SLC24A2: variants seen among roughly 807,000 people sequenced by gnomAD.
SLC24A2 encodes sodium/potassium/calcium exchanger 2.
In SLC24A2, 36 loss-of-function variants were observed where a neutral mutation model predicts 62.0. That is an observed-to-expected ratio of 0.58 (90% confidence interval 0.44 to 0.77). The LOEUF is 0.77. Ranked by LOEUF, SLC24A2 falls within the 30% of genes least tolerant of loss-of-function variation. SLC24A2 has a pLI of 0.00. For synonymous variants in SLC24A2, 358 were observed against 294.0 expected (o/e 1.22, Z -2.23); for missense variants, 846 against 817.9 (o/e 1.03, Z -0.42).
chr9:20,273,883 A>C, the SLC24A2 span, among the ~76,000 whole-genome samples: 1 of 152,172 alleles, frequency 6.6e-6, no homozygotes, highest in South Asian at 2.1e-4. Flanking sequence ...TTGGGTCTTC[A>C]TTTCTGAAGG....
At chr9:20,185,080 T>C in the SLC24A2 span, among the ~76,000 whole-genome samples, 1 of 152,096 alleles carries the variant, frequency 6.6e-6, no homozygotes, top group Non-Finnish European at 1.5e-5. Flanking sequence ...GGTGGTTATC[T>C]GTGTTGAGCA....
chr9:20,066,913 G>C, the SLC24A2 span, among the ~76,000 whole-genome samples: 1 of 152,032 alleles, frequency 6.6e-6, no homozygotes, highest in African/African-American at 2.4e-5. Flanking sequence ...GAGTGATCTA[G>C]GTCCCCACAT....
chr9:19,887,423 G>C, the SLC24A2 span, among the ~76,000 whole-genome samples: 1 of 152,040 alleles, frequency 6.6e-6, no homozygotes, highest in African/African-American at 2.4e-5. Context: ...AAGAAGATAT[G>C]CAAATGGACA....
At chr9:20,220,359 C>T in the SLC24A2 span, among the ~76,000 whole-genome samples, 5 of 152,150 alleles carry the variant, frequency 3.3e-5, no homozygotes, top group Admixed American at 6.5e-5. Context: ...GATGCACCCC[C>T]GTGCTGACTC....
the SLC24A2 span, among the ~76,000 whole-genome samples, chr9:20,131,046 C>A: frequency 6.6e-6 from 1 of 151,440 alleles, no homozygotes; most frequent in South Asian, 2.1e-4. Context: ...GAGATTTCTT[C>A]TATTTTCAAG....
the SLC24A2 span, among the ~76,000 whole-genome samples, chr9:20,054,293 G>C: frequency 6.6e-6 from 1 of 152,096 alleles, no homozygotes; most frequent in African/African-American, 2.4e-5. Flanking sequence ...CTGGGTTCAA[G>C]TGATTCTCCT....
chr9:20,294,210 C>T, the SLC24A2 span, among the ~76,000 whole-genome samples: 1 of 152,094 alleles, frequency 6.6e-6, no homozygotes, highest in Admixed American at 6.6e-5. Flanking sequence ...TAGGCTGCAC[C>T]CTGCTGGCCT....
chr9:19,603,389 C>T (rs1563992367), intron 4 of SLC24A2, among the ~76,000 whole-genome samples: 1 of 152,004 alleles, frequency 6.6e-6, no homozygotes. Flanking sequence ...TCTTCCTCTG[C>T]TTTTTTTAAA....
the SLC24A2 span, among the ~76,000 whole-genome samples, chr9:20,049,641 A>ATAAGTATGTTAAGTATTAAGT: frequency 6.6e-6 from 1 of 151,602 alleles, no homozygotes; most frequent in Admixed American, 6.6e-5. Context: ...AACAAAGATG[A>ATAAGTATGTTAAGTATTAAGT]CAAATATGTT....
the SLC24A2 span, among the ~76,000 whole-genome samples, chr9:20,188,362 G>A: frequency 3.3e-5 from 5 of 152,218 alleles, no homozygotes; most frequent in African/African-American, 1.2e-4. Context: ...CAAATGGGGT[G>A]GGTCAGGGGC....
the SLC24A2 span, among the ~76,000 whole-genome samples, chr9:19,807,312 A>G: frequency 6.6e-6 from 1 of 152,216 alleles, no homozygotes; most frequent in African/African-American, 2.4e-5. Flanking sequence ...GGCTTTTGCC[A>G]TTTATCTGAA....
At chr9:20,079,300 G>A in the SLC24A2 span, among the ~76,000 whole-genome samples, 450 of 152,240 alleles carry the variant, frequency 3.0e-3, 2 homozygotes, top group African/African-American at 1.0e-2. Flanking sequence ...ATGGTAATTT[G>A]TTATGACACC....
intron 5 of SLC24A2, among the ~76,000 whole-genome samples, chr9:19,587,213 G>T (rs539583341): frequency 6.6e-6 from 1 of 152,264 alleles, no homozygotes; most frequent in Non-Finnish European, 1.5e-5. Flanking sequence ...GAAAGATTAT[G>T]ATGACCTATA....
the SLC24A2 span, among the ~76,000 whole-genome samples, chr9:20,076,500 G>C: frequency 6.6e-6 from 1 of 152,096 alleles, no homozygotes; most frequent in African/African-American, 2.4e-5. Context: ...GGATGCCAAG[G>C]AGCACCAGTA....
chr9:20,122,019 G>A, the SLC24A2 span, among the ~76,000 whole-genome samples: 5 of 152,182 alleles, frequency 3.3e-5, no homozygotes, highest in African/African-American at 1.2e-4. Flanking sequence ...GGCATCTCCT[G>A]AGAATGTGTT....
At chr9:20,053,527 C>T in the SLC24A2 span, among the ~76,000 whole-genome samples, 1 of 152,138 alleles carries the variant, frequency 6.6e-6, no homozygotes, top group Non-Finnish European at 1.5e-5. Flanking sequence ...TGTCCTCCCC[C>T]AACCCTGAAA....
chr9:20,261,824 C>G, the SLC24A2 span, among the ~76,000 whole-genome samples: 1 of 138,900 alleles, frequency 7.2e-6, no homozygotes, highest in African/African-American at 2.7e-5. Context: ...ACTGCAAGCT[C>G]TGCCTCCCAG....
chr9:19,897,887 T>C, the SLC24A2 span, among the ~76,000 whole-genome samples: 1 of 152,214 alleles, frequency 6.6e-6, no homozygotes, highest in African/African-American at 2.4e-5. Context: ...TTGAACAGAA[T>C]TACGCACTAC....
rs183224443 is a variant in SLC24A2, at chr9:19,600,843, G to A, written c.1079-3564C>T. On this transcript the variant is annotated intron_variant, in intron 4 of 10. Coordinates refer to ENST00000341998, the MANE Select transcript of SLC24A2 (RefSeq NM_020344.4). ...TGTCCTTTTGAGGTGGGCTGGGGAG[G>A]GGGAGAGCGTAGGATTGAATATGCA... Among the ~76,000 whole-genome samples, 252 of 152,162 alleles carry A rather than the reference G, an allele frequency of 1.7e-3. 1 individual carries two copies. Among genetic ancestry groups the A allele is most frequent in the African/African-American group, 5.7e-3 (236 of 41,494 alleles).
Sources: allele counts gnomAD v4.1 joint callset (sites outside exome capture counted in the v4.1 genomes callset), GRCh38; gene constraint gnomAD v4.1.1; transcripts MANE v1.5; gene names NCBI Gene and HGNC (gene_info 2026-07-23, HGNC 2026-07-21).